ZNF800: variants seen among roughly 807,000 people sequenced by gnomAD.
ZNF800 encodes the protein zinc finger protein 800.
ZNF800 carries 13 observed loss-of-function variants against 59.5 expected under a neutral mutation model. That is an observed-to-expected ratio of 0.22 (90% CI 0.14 to 0.35). The LOEUF is 0.35. Among genes scored for constraint, ZNF800 ranks in the 10% least tolerant of loss-of-function variants. ZNF800 has a pLI of 1.00. For synonymous variants in ZNF800, 266 were observed against 265.7 expected (o/e 1.00, Z -0.01); for missense variants, 621 against 783.7 (o/e 0.79, Z 2.48).
chr7:127,352,024 T>TA (rs1294702273), intron 1 of ZNF800, among the ~76,000 whole-genome samples: 15 of 152,092 alleles, frequency 9.9e-5, no homozygotes, highest in Admixed American at 2.0e-4. Context: ...ATAAAAATCT[T>TA]AAAGTTAAAA....
intron 1 of ZNF800, among the ~76,000 whole-genome samples, chr7:127,356,581 T>A (rs1242684518): frequency 6.6e-6 from 1 of 151,874 alleles, no homozygotes; most frequent in African/African-American, 2.4e-5. Context: ...AAAAAAATGA[T>A]GTTTAAACAA....
intron 1 of ZNF800, among the ~76,000 whole-genome samples, chr7:127,354,748 A>T (rs1287646818): frequency 6.6e-6 from 1 of 152,068 alleles, no homozygotes; most frequent in Non-Finnish European, 1.5e-5. Flanking sequence ...TCTATTCCTG[A>T]CTTCTTCATC....
intron 2 of ZNF800, among the ~76,000 whole-genome samples, chr7:127,389,786 A>G (rs1801250055): frequency 6.6e-6 from 1 of 152,160 alleles, no homozygotes; most frequent in African/African-American, 2.4e-5. Context: ...ATTTTAAACT[A>G]ATACAATTTT....
chr7:127,385,404 A>G (rs556869731), intron 3 of ZNF800, among the ~76,000 whole-genome samples: 62 of 152,340 alleles, frequency 4.1e-4, no homozygotes, highest in Non-Finnish European at 7.5e-4. Flanking sequence ...ACAGTTCCCA[A>G]TCATTTCACA....
intron 2 of ZNF800, 66 bp from the exon 3 acceptor site, chr7:127,386,221 TA>T: frequency 3.1e-6 from 3 of 963,312 alleles, no homozygotes; most frequent in Non-Finnish European, 4.9e-6. Flanking sequence ...CATTTACTAT[TA>T]AAGTAAAACA....
At chr7:127,360,383 T>A (rs2117047138) in intron 1 of ZNF800, 1 of 152,252 alleles carries the variant, frequency 6.6e-6, no homozygotes, top group East Asian at 1.9e-4. Context: ...ACTCCTCTAC[T>A]CTAGTACATT....
chr7:127,363,215 A>G (rs1191587321), intron 1 of ZNF800: 1 of 152,120 alleles, frequency 6.6e-6, no homozygotes, highest in Non-Finnish European at 1.5e-5. Context: ...GATGTCTGAC[A>G]TTCAACTTTG....
At chr7:127,379,484 G>A (rs775488100) in intron 3 of ZNF800, among the ~76,000 whole-genome samples, 2 of 152,014 alleles carry the variant, frequency 1.3e-5, no homozygotes, top group Non-Finnish European at 2.9e-5. Flanking sequence ...ATGTGAACTC[G>A]GTTTAACTTA....
At chr7:127,364,778 T>TA (rs938780887) in intron 1 of ZNF800, 2 of 152,034 alleles carry the variant, frequency 1.3e-5, no homozygotes, top group African/African-American at 4.8e-5. Flanking sequence ...AGACAGAAGA[T>TA]AAAAAATAGT....
chr7:127,355,135 A>G (rs1048861973), intron 1 of ZNF800, among the ~76,000 whole-genome samples: 1 of 152,094 alleles, frequency 6.6e-6, no homozygotes, highest in African/African-American at 2.4e-5. Context: ...AATCACCCAT[A>G]TATCTCCAAA....
At chr7:127,387,853 T>C (rs982712148) in intron 2 of ZNF800, among the ~76,000 whole-genome samples, 1 of 151,438 alleles carries the variant, frequency 6.6e-6, no homozygotes, top group Non-Finnish European at 1.5e-5. Context: ...ACAGCAAAAC[T>C]GACTCAAAAT....
At chr7:127,367,446 T>C (rs756998483), downstream of ZNF800, among the ~76,000 whole-genome samples, 1 of 152,154 alleles carries the variant, frequency 6.6e-6, no homozygotes, top group Non-Finnish European at 1.5e-5. Flanking sequence ...AGTTTCTATT[T>C]TCTGTTCCAT....
intron 4 of ZNF800, among the ~76,000 whole-genome samples, chr7:127,375,875 C>T (rs1212947643): frequency 1.3e-5 from 2 of 151,862 alleles, no homozygotes; most frequent in African/African-American, 4.8e-5. Flanking sequence ...CTAGTCTAGT[C>T]ATCTGTCTTT....
chr7:127,353,818 C>T (rs1009127629), intron 1 of ZNF800, among the ~76,000 whole-genome samples: 1 of 146,820 alleles, frequency 6.8e-6, no homozygotes, highest in South Asian at 2.2e-4. Flanking sequence ...AAAGTTAAAG[C>T]AATAATTGCA....
At chr7:127,386,261 A>G in intron 2 of ZNF800, 106 bp from the exon 3 acceptor site, 1 of 630,144 alleles carries the variant, frequency 1.6e-6, no homozygotes, top group Non-Finnish European at 2.8e-6. Flanking sequence ...ATTAAGGATA[A>G]TCACACTTGT....
chr7:127,372,106 G>A (rs1800646915), intron 5 of ZNF800, among the ~76,000 whole-genome samples: 1 of 152,100 alleles, frequency 6.6e-6, no homozygotes, highest in South Asian at 2.1e-4. Context: ...ATATAGACTT[G>A]CGAAAAGTAT....
intron 1 of ZNF800, chr7:127,361,693 T>G (rs1310012285): frequency 6.6e-6 from 1 of 152,176 alleles, no homozygotes; most frequent in African/African-American, 2.4e-5. Context: ...TGGCATAAAG[T>G]AGTTGCTCAA....
chr7:127,372,681 C>T, intron 5 of ZNF800: 2 of 985,046 alleles, frequency 2.0e-6, no homozygotes, highest in African/African-American at 3.5e-5. Flanking sequence ...AACTAAAAAA[C>T]AGTAACTAAC....
downstream of ZNF800, among the ~76,000 whole-genome samples, chr7:127,367,261 T>A (rs958701900): frequency 6.6e-6 from 1 of 152,056 alleles, no homozygotes; most frequent in Non-Finnish European, 1.5e-5. Flanking sequence ...AATAAAGTCT[T>A]CTAATAAAAC....
Sources: allele counts gnomAD v4.1 joint callset (sites outside exome capture counted in the v4.1 genomes callset), GRCh38; gene constraint gnomAD v4.1.1; transcripts MANE v1.5; gene names NCBI Gene and HGNC (gene_info 2026-07-23, HGNC 2026-07-21).